The following ZC3H12C variants were observed in gnomAD, a reference collection of about 807,000 sequenced individuals.
The protein encoded by ZC3H12C is zinc finger CCCH-type containing 12C, also known as probable ribonuclease ZC3H12C.
Under a neutral mutation model 76.3 loss-of-function variants are expected in ZC3H12C, and 20 were observed. The ratio of observed to expected loss-of-function variants is 0.26; its 90% CI spans 0.18 to 0.38. The LOEUF (loss-of-function observed/expected upper bound fraction) is 0.38. Ranked by LOEUF, ZC3H12C falls within the 10% of genes least tolerant of loss-of-function variation. The pLI, the probability that ZC3H12C is intolerant of heterozygous loss-of-function variation, is 1.00. For missense variants in ZC3H12C, 874 were observed against 1,086.5 expected, an observed-to-expected ratio of 0.80 and a Z score of 2.75; for synonymous variants, 352 against 399.6, an observed-to-expected ratio of 0.88 and a Z score of 1.42.
intron 1 of ZC3H12C, among the ~76,000 whole-genome samples, chr11:110,112,062 A>C (rs960534063): frequency 6.6e-5 from 10 of 152,232 alleles, no homozygotes; most frequent in African/African-American, 2.2e-4. Flanking sequence ...TCCACAGACC[A>C]GGAACATACT....
At chr11:110,097,475 G>A (rs1861133891) in intron 1 of ZC3H12C, among the ~76,000 whole-genome samples, 1 of 152,106 alleles carries the variant, frequency 6.6e-6, no homozygotes, top group South Asian at 2.1e-4. Context: ...GATATCACTT[G>A]GTTTACTGCA....
At position 110,159,330 on chromosome 11, in the gene ZC3H12C, A is replaced by C; in HGVS notation, c.988A>C (p.Arg330=). The change falls in exon 4 of 6, where the codon AGA becomes CGA. Residue 330 remains arginine, a synonymous_variant. Coordinates refer to ENST00000278590, the MANE Select transcript of ZC3H12C (RefSeq NM_033390.2). Reference sequence around the variant, plus strand: ...GCCATCCCGGCGAGTCCAGGGGAGGAGAGTGGTGTGCTATGACGACAGGTT... The same window carrying C: ...GCCATCCCGGCGAGTCCAGGGGAGGCGAGTGGTGTGCTATGACGACAGGTT... The part of the protein sequence containing the change: ...FTPSRRVQGR[R]VVCYDDRFIV... 1 of 1,613,930 alleles carries C rather than the reference A, an allele frequency of 6.2e-7. No individual in the cohort carries two copies. The highest frequency in any genetic ancestry group is 8.5e-7 in the Non-Finnish European group (1 of 1,179,968).
chr11:110,128,123 T>C (rs1351807776), intron 1 of ZC3H12C, among the ~76,000 whole-genome samples: 4 of 127,104 alleles, frequency 3.1e-5, no homozygotes, highest in Non-Finnish European at 6.4e-5. Flanking sequence ...AACTACACTG[T>C]CTTTTTTTTT....
intron 3 of ZC3H12C, among the ~76,000 whole-genome samples, chr11:110,156,302 T>C (rs1862376895): frequency 6.6e-6 from 1 of 152,234 alleles, no homozygotes. Context: ...TTTTAAGTTG[T>C]CAGCATCATA....
chr11:110,145,964 A>G (rs887382783), intron 2 of ZC3H12C, among the ~76,000 whole-genome samples: 14 of 152,128 alleles, frequency 9.2e-5, no homozygotes, highest in African/African-American at 3.4e-4. Flanking sequence ...GTTGAGAGAA[A>G]CCCATAACTT....
At chr11:110,130,937 A>C in intron 1 of ZC3H12C, 1 of 1,242,826 alleles carries the variant, frequency 8.0e-7, no homozygotes. Context: ...CTGGCCTATG[A>C]TTGGCTGTTA....
In ZC3H12C at chr11:110,169,900, C is replaced by T. The variant is rs1862645696; in HGVS notation, c.*4163C>T. The T allele has an allele frequency of 6.6e-6, 1 of 152,148 alleles. No individual in the cohort carries two copies. Among genetic ancestry groups the T allele is most frequent in the African/African-American group, 2.4e-5 (1 of 41,430 alleles). 9.4% of individuals were successfully genotyped at this position (152,148 alleles called of 1,614,324 possible). On this transcript the variant is annotated 3_prime_UTR_variant, in exon 6 of 6. Transcript: ENST00000278590. Reference sequence around the variant, plus strand: ...TCTGCCTTTAGAGCATAAGAACAGCCACAGATAACATGTAAATTAGTGTGG... The same window carrying T: ...TCTGCCTTTAGAGCATAAGAACAGCTACAGATAACATGTAAATTAGTGTGG...
At chr11:110,131,161 G>A in intron 1 of ZC3H12C, 1 of 1,339,912 alleles carries the variant, frequency 7.5e-7, no homozygotes, top group Non-Finnish European at 1.0e-6. Flanking sequence ...TAAATATTCA[G>A]AGTATTAATT....
chr11:110,101,978 GAA>G (rs545649693), intron 1 of ZC3H12C, among the ~76,000 whole-genome samples: 20 of 151,620 alleles, frequency 1.3e-4, no homozygotes, highest in African/African-American at 4.4e-4. Flanking sequence ...TTACTGCTCA[GAA>G]AAAAAGATTC....
chr11:110,163,370 T>TA lies in ZC3H12C; in HGVS notation c.1246_1247insA (p.Cys416Ter). ...TGTTCCTGAACACAAAAAGCAGCCT[T>TA]GTCCATATGGTAACTTGCTTTGTGA... Reference protein sequence around the residue: ...PIVPEHKKQPCPYGKKCTYGH... With the variant: ...PIVPEHKKQP The change falls in exon 5 of 6, where the codon TGT (cysteine) becomes TAGT (stop). Residue 416 changes from cysteine (C) to a stop codon, truncating the protein, a stop_gained and frameshift_variant. Transcript: ENST00000278590. LOFTEE classifies it high-confidence loss of function. 1.2e-6 allele frequency: 2 copies of TA among 1,611,532 alleles called. No homozygotes were observed. Among genetic ancestry groups the TA allele is most frequent in the Non-Finnish European group, 1.7e-6 (2 of 1,178,790 alleles).
chr11:110,136,019 A>C (rs905077306), intron 1 of ZC3H12C: 2 of 152,248 alleles, frequency 1.3e-5, no homozygotes, highest in African/African-American at 4.8e-5. Context: ...TCTCTTAAGA[A>C]GAATTTAACT....
chr11:110,131,237 AG>A, intron 1 of ZC3H12C: 1 of 730,368 alleles, frequency 1.4e-6, no homozygotes. Context: ...CCAACATACC[AG>A]AAAATTAAGT....
chr11:110,101,925 T>C (rs1861224250), intron 1 of ZC3H12C, among the ~76,000 whole-genome samples: 1 of 152,082 alleles, frequency 6.6e-6, no homozygotes, highest in Admixed American at 6.5e-5. Context: ...TTACATCAGT[T>C]TACAGCATGC....
chr11:110,132,418 A>C (rs1861884651), intron 1 of ZC3H12C, among the ~76,000 whole-genome samples: 1 of 152,192 alleles, frequency 6.6e-6, no homozygotes, highest in South Asian at 2.1e-4. Flanking sequence ...AGAATTAGCT[A>C]CACTTCATCA....
intron 2 of ZC3H12C, among the ~76,000 whole-genome samples, chr11:110,152,214 G>A (rs189135041): frequency 6.6e-6 from 1 of 152,268 alleles, no homozygotes; most frequent in Admixed American, 6.5e-5. Flanking sequence ...ACTGTTAGTT[G>A]GGCATTTTCT....
At chr11:110,113,852 T>C (rs1277765467) in intron 1 of ZC3H12C, among the ~76,000 whole-genome samples, 1 of 152,218 alleles carries the variant, frequency 6.6e-6, no homozygotes, top group African/African-American at 2.4e-5. Flanking sequence ...CAGCTTTTAC[T>C]TAGACTATTA....
At chr11:110,109,579 C>T (rs1271151736) in intron 1 of ZC3H12C, among the ~76,000 whole-genome samples, 1 of 152,032 alleles carries the variant, frequency 6.6e-6, no homozygotes, top group African/African-American at 2.4e-5. Context: ...TTTAATTTTG[C>T]TTCCTAATTT....
At chr11:110,158,945 G>T (rs1862427446) in intron 3 of ZC3H12C, among the ~76,000 whole-genome samples, 1 of 152,168 alleles carries the variant, frequency 6.6e-6, no homozygotes, top group African/African-American at 2.4e-5. Flanking sequence ...TGTCCATAGT[G>T]GTCGTGTGAT....
chr11:110,117,758 TACAC>T (rs149449800), intron 1 of ZC3H12C, among the ~76,000 whole-genome samples: 33 of 132,974 alleles, frequency 2.5e-4, no homozygotes, highest in Middle Eastern at 4.1e-3. Context: ...ATATTATATA[TACAC>T]ACACACATAT....
Sources: allele counts gnomAD v4.1 joint callset (sites outside exome capture counted in the v4.1 genomes callset), GRCh38; gene constraint gnomAD v4.1.1; transcripts MANE v1.5; gene names NCBI Gene and HGNC (gene_info 2026-07-23, HGNC 2026-07-21).